The following PCDH11X variants were observed in gnomAD, a reference collection of about 807,000 sequenced individuals.
PCDH11X encodes protocadherin 11 X-linked, also known as protocadherin-11 X-linked.
PCDH11X carries 18 observed loss-of-function variants against 53.3 expected under a neutral mutation model. The ratio of observed to expected loss-of-function variants is 0.34; its 90% CI spans 0.23 to 0.50. PCDH11X has a LOEUF of 0.50. Ranked by LOEUF, PCDH11X falls within the 20% of genes least tolerant of loss-of-function variation. The probability of loss-of-function intolerance (pLI) is 0.98; values close to 1 mark genes in which losing one functional copy is unlikely to be tolerated. For synonymous variants in PCDH11X, 279 were observed against 393.3 expected, an observed-to-expected ratio of 0.71 and a Z score of 3.44; for missense variants, 570 against 1,032.4, an observed-to-expected ratio of 0.55 and a Z score of 6.14.
At chrX:92,226,257 A>G (rs1234108870) in intron 7 of PCDH11X, among the ~76,000 whole-genome samples, 3 of 112,180 alleles carry the variant, frequency 2.7e-5, no homozygotes, top group Non-Finnish European at 3.8e-5. Context: ...AGATACAGGG[A>G]AAAATATCCA....
At chrX:91,933,906 A>G (rs746446251) in intron 6 of PCDH11X, among the ~76,000 whole-genome samples, 164 of 109,761 alleles carry the variant, frequency 1.5e-3, no homozygotes, top group African/African-American at 5.3e-3. Flanking sequence ...ACAATTAACA[A>G]AAATCACCCA....
intron 1 of PCDH11X, among the ~76,000 whole-genome samples, chrX:91,783,184 A>G (rs1049414238): frequency 8.9e-6 from 1 of 111,755 alleles, no homozygotes; most frequent in African/African-American, 3.3e-5. Context: ...CTTCCCTTTC[A>G]TGACGTATAG....
rs866893368 is a variant in PCDH11X at position 92,525,793 on chromosome X, A to C, written c.3367+57471A>C. ...AAGCTAGTTTATTGAGTTTTAATTG[A>C]TAACCATTTAAAAGAAAAATATTTC... On this transcript the variant is annotated intron_variant, in intron 10 of 10. Coordinates refer to ENST00000682573, the MANE Select transcript of PCDH11X (RefSeq NM_032968.5). Among the ~76,000 whole-genome samples, 8 of 111,787 alleles carry C rather than the reference A, an allele frequency of 7.2e-5. No individual in the cohort carries two copies. In the Admixed American group the frequency reaches 7.7e-4, roughly 11 times the overall value.
At chrX:92,549,685 G>A (rs1442810767) in intron 10 of PCDH11X, among the ~76,000 whole-genome samples, 1 of 107,119 alleles carries the variant, frequency 9.3e-6, no homozygotes, top group Non-Finnish European at 1.9e-5. Flanking sequence ...TCCTTTTCAC[G>A]ATGGCGAAAG....
chrX:92,001,160 C>T (rs911266433), intron 6 of PCDH11X, among the ~76,000 whole-genome samples: 5 of 111,435 alleles, frequency 4.5e-5, no homozygotes, highest in African/African-American at 1.6e-4. Flanking sequence ...CCTAACTATT[C>T]TCCCTGGTGA....
At chrX:92,333,878 G>T (rs1367537732) in intron 8 of PCDH11X, among the ~76,000 whole-genome samples, 8 of 64,270 alleles carry the variant, frequency 1.2e-4, no homozygotes, top group Non-Finnish European at 1.9e-4. Flanking sequence ...GAAAGTTTGA[G>T]TTGGGATCTA....
intron 10 of PCDH11X, among the ~76,000 whole-genome samples, chrX:92,518,473 TTAAC>T (rs2074305471): frequency 8.9e-6 from 1 of 111,991 alleles, no homozygotes; most frequent in South Asian, 3.7e-4. Context: ...ATGGATCTAC[TTAAC>T]TGAGTCAATT....
chrX:92,598,064 T>A (rs1925824021), intron 10 of PCDH11X, among the ~76,000 whole-genome samples: 1 of 111,742 alleles, frequency 8.9e-6, no homozygotes, highest in Admixed American at 9.5e-5. Flanking sequence ...GACCTCAAAC[T>A]GTGAAACCAT....
chrX:92,439,400 A>G (rs949627943), intron 9 of PCDH11X, among the ~76,000 whole-genome samples: 15 of 111,362 alleles, frequency 1.3e-4, no homozygotes, highest in African/African-American at 4.9e-4. Flanking sequence ...GACAGACCTT[A>G]GATGGAATCA....
chrX:92,112,048 C>T (rs5984883), intron 6 of PCDH11X, among the ~76,000 whole-genome samples: 30,608 of 105,293 alleles, frequency 0.29, 5,368 homozygotes, highest in African/African-American at 0.61. Flanking sequence ...TGAGCCACTG[C>T]GCCCAGCCTC....
intron 10 of PCDH11X, among the ~76,000 whole-genome samples, chrX:92,501,655 C>T (rs1301169200): frequency 7.2e-5 from 8 of 111,190 alleles, no homozygotes; most frequent in East Asian, 2.8e-4. Context: ...AAAAGGCCTT[C>T]GATAAAATTC....
intron 4 of PCDH11X, among the ~76,000 whole-genome samples, chrX:91,817,649 T>C (rs2147573686): frequency 9.0e-6 from 1 of 111,413 alleles, no homozygotes; most frequent in Non-Finnish European, 1.9e-5. Flanking sequence ...AACTAAGGGA[T>C]TGAATTTTTA....
At chrX:91,876,103 A>T (rs1476976499) in intron 5 of PCDH11X, among the ~76,000 whole-genome samples, 5 of 111,986 alleles carry the variant, frequency 4.5e-5, no homozygotes, top group Admixed American at 1.9e-4. Context: ...TCTTTTGAAA[A>T]CTTAAATAGT....
At chrX:92,412,552 T>TATATAG (rs1556412541) in intron 9 of PCDH11X, among the ~76,000 whole-genome samples, 22 of 85,744 alleles carry the variant, frequency 2.6e-4, no homozygotes, top group Admixed American at 5.3e-4. Flanking sequence ...TATATATATA[T>TATATAG]ATAGATAAAG....
At chrX:92,079,345 G>A (rs994947532) in intron 6 of PCDH11X, among the ~76,000 whole-genome samples, 2 of 111,963 alleles carry the variant, frequency 1.8e-5, no homozygotes, top group Non-Finnish European at 3.8e-5. Flanking sequence ...AATGTGATGT[G>A]CCTCATGCTC....
At chrX:91,889,982 A>G (rs1362954992) in intron 6 of PCDH11X, among the ~76,000 whole-genome samples, 1 of 108,743 alleles carries the variant, frequency 9.2e-6, no homozygotes, top group Non-Finnish European at 1.9e-5. Context: ...ACATACACTT[A>G]TTTATTTCAA....
chrX:92,483,161 T>C (rs781538835), intron 10 of PCDH11X, among the ~76,000 whole-genome samples: 1 of 112,024 alleles, frequency 8.9e-6, no homozygotes, highest in South Asian at 3.7e-4. Flanking sequence ...ATTATCTGGC[T>C]CTTGTAAGCT....
intron 7 of PCDH11X, among the ~76,000 whole-genome samples, chrX:92,218,223 A>T (rs1422895471): frequency 9.0e-6 from 1 of 110,614 alleles, no homozygotes; most frequent in Non-Finnish European, 1.9e-5. Flanking sequence ...AAATAGAGAC[A>T]CATAAAACCC....
At chrX:92,196,830 G>A (rs1044999459) in intron 6 of PCDH11X, among the ~76,000 whole-genome samples, 1 of 110,630 alleles carries the variant, frequency 9.0e-6, no homozygotes. Flanking sequence ...AGGGGAGATA[G>A]AGGTGGAGAG....
Sources: allele counts gnomAD v4.1 joint callset (sites outside exome capture counted in the v4.1 genomes callset), GRCh38; gene constraint gnomAD v4.1.1; transcripts MANE v1.5; gene names NCBI Gene and HGNC (gene_info 2026-07-23, HGNC 2026-07-21).